PPP2R2B: variants seen among roughly 807,000 people sequenced by gnomAD.
PPP2R2B encodes serine/threonine-protein phosphatase 2A 55 kDa regulatory subunit B beta isoform.
In PPP2R2B, 5 loss-of-function variants were observed where a neutral mutation model predicts 46.0. That is an observed-to-expected ratio of 0.11 (90% confidence interval 0.06 to 0.23). The LOEUF (loss-of-function observed/expected upper bound fraction) is 0.23, where lower values mean the gene tolerates loss of function less well. PPP2R2B is among the 10% of genes least tolerant of loss of function. PPP2R2B has a pLI of 1.00. For missense variants in PPP2R2B, 367 were observed against 575.0 expected (o/e 0.64, Z 3.70); for synonymous variants, 215 against 206.7 (o/e 1.04, Z -0.34).
At position 146,986,993 on chromosome 5, in the gene PPP2R2B, T is replaced by A. The variant is rs539122005; in HGVS notation, c.79+68672A>T. On this transcript the variant is annotated intron_variant, in intron 1 of 8. Transcript: ENST00000336640. ...TCAAATGTCAAAAACAAAGGGAGGA[T>A]CCTGAAAGCAGCAAGAGAAAAGAAG... Among the ~76,000 whole-genome samples, 5 of 152,150 alleles carry A rather than the reference T, an allele frequency of 3.3e-5. No homozygotes were observed. The South Asian group carries it at 1.0e-3, about 32-fold the overall frequency.
At chr5:147,058,393 T>G (rs561517325), upstream of PPP2R2B, among the ~76,000 whole-genome samples, 3 of 152,238 alleles carry the variant, frequency 2.0e-5, no homozygotes, top group East Asian at 5.8e-4. Context: ...AGCGAATACT[T>G]TCTAAGTCAA....
At chr5:146,900,077 C>G (rs1361609263) in intron 1 of PPP2R2B, among the ~76,000 whole-genome samples, 1 of 152,206 alleles carries the variant, frequency 6.6e-6, no homozygotes, top group Non-Finnish European at 1.5e-5. Flanking sequence ...TACCAACTGA[C>G]TGAATGGCTG....
chr5:147,027,457 A>G (rs1272668184), intron 1 of PPP2R2B, among the ~76,000 whole-genome samples: 3 of 152,060 alleles, frequency 2.0e-5, no homozygotes, highest in East Asian at 3.9e-4. Flanking sequence ...ACATGGTGAC[A>G]CCTCGTCTCT....
chr5:146,983,449 G>T (rs1186047089), intron 1 of PPP2R2B, among the ~76,000 whole-genome samples: 1 of 152,044 alleles, frequency 6.6e-6, no homozygotes, highest in East Asian at 1.9e-4. Context: ...CAAAGTGCTG[G>T]GATTATAGGC....
At chr5:146,881,060 G>A (rs1331146986), upstream of PPP2R2B, among the ~76,000 whole-genome samples, 1 of 152,038 alleles carries the variant, frequency 6.6e-6, no homozygotes, top group East Asian at 1.9e-4. Flanking sequence ...GGAGCTGGGG[G>A]GCGGGGTGGG....
At chr5:146,648,353 T>A (rs1775721004) in intron 6 of PPP2R2B, among the ~76,000 whole-genome samples, 1 of 152,146 alleles carries the variant, frequency 6.6e-6, no homozygotes, top group African/African-American at 2.4e-5. Context: ...CATACGAAAA[T>A]AATCTTTTAT....
intron 2 of PPP2R2B, among the ~76,000 whole-genome samples, chr5:146,808,090 C>T (rs1757300228): frequency 6.6e-6 from 1 of 151,972 alleles, no homozygotes; most frequent in Non-Finnish European, 1.5e-5. Flanking sequence ...CGTGAGCCAC[C>T]GCACCCAGCT....
At chr5:146,906,245 ATAT>A (rs1762992015) in intron 1 of PPP2R2B, among the ~76,000 whole-genome samples, 1 of 152,090 alleles carries the variant, frequency 6.6e-6, no homozygotes, top group Non-Finnish European at 1.5e-5. Flanking sequence ...ATATTTGAAT[ATAT>A]TAAGTTAAAG....
chr5:146,808,958 G>GGTGTGTGTGT lies in PPP2R2B; in HGVS notation c.70+69034_70+69043dup, dbSNP rs35023590. Among the ~76,000 whole-genome samples the GGTGTGTGTGT allele has an allele frequency of 2.2e-3, 328 of 146,366 alleles. 2 individuals carry two copies. The highest frequency in any genetic ancestry group is 0.01 in the Middle Eastern group (3 of 290). On this transcript the variant is annotated intron_variant, in intron 2 of 9. Coordinates refer to ENST00000394411, the MANE Select transcript of PPP2R2B (RefSeq NM_181675.4). ...GGCAGAAATGCCAGCTGCTAACACT[G>GGTGTGTGTGT]GTGTGTGTGTGTGTGTGTGTGTGTG...
intron 2 of PPP2R2B, among the ~76,000 whole-genome samples, chr5:146,771,858 A>G (rs1461758220): frequency 6.6e-6 from 1 of 152,208 alleles, no homozygotes; most frequent in Non-Finnish European, 1.5e-5. Context: ...TGGCCCATAA[A>G]AAGTATTCCA....
chr5:146,669,477 T>C (rs904956663), intron 5 of PPP2R2B, among the ~76,000 whole-genome samples: 30 of 151,944 alleles, frequency 2.0e-4, no homozygotes, highest in Non-Finnish European at 4.1e-4. Context: ...TTCTACATTA[T>C]TCTTTATATC....
intron 2 of PPP2R2B, among the ~76,000 whole-genome samples, chr5:146,855,060 T>C (rs1760571992): frequency 6.6e-6 from 1 of 152,084 alleles, no homozygotes; most frequent in African/African-American, 2.4e-5. Context: ...CTCAAAGCTA[T>C]TCAGTTTCAT....
intron 2 of PPP2R2B, among the ~76,000 whole-genome samples, chr5:146,756,344 A>G (rs1385569269): frequency 6.6e-6 from 1 of 152,174 alleles, no homozygotes; most frequent in East Asian, 1.9e-4. Flanking sequence ...GCATCTGCAG[A>G]GATTACTCTG....
chr5:147,047,380 T>C (rs2151900349), intron 1 of PPP2R2B, among the ~76,000 whole-genome samples: 1 of 152,260 alleles, frequency 6.6e-6, no homozygotes, highest in South Asian at 2.1e-4. Context: ...CTGTTCATGG[T>C]AGGTATCAAA....
At chr5:147,022,593 C>G (rs1004813775) in intron 1 of PPP2R2B, among the ~76,000 whole-genome samples, 1 of 151,430 alleles carries the variant, frequency 6.6e-6, no homozygotes, top group Non-Finnish European at 1.5e-5. Context: ...GAAAATAAAG[C>G]CATAGAACTA....
chr5:146,639,854 C>G (rs948622674), intron 6 of PPP2R2B, among the ~76,000 whole-genome samples: 1 of 152,120 alleles, frequency 6.6e-6, no homozygotes, highest in African/African-American at 2.4e-5. Context: ...AAGTAATATG[C>G]ATAAAAATTG....
rs1338426356 is a variant in PPP2R2B at position 146,587,985 on chromosome 5, A to T, written c.*1962T>A. 6.6e-6 allele frequency: 1 copy of T among 152,194 alleles called. No individual in the cohort carries two copies. Among genetic ancestry groups the T allele is most frequent in the African/African-American group, 2.4e-5 (1 of 41,438 alleles). 9.4% of individuals were successfully genotyped at this position (152,194 alleles called of 1,614,324 possible). On this transcript the variant is annotated 3_prime_UTR_variant, in exon 10 of 10. Coordinates refer to ENST00000394411, the MANE Select transcript of PPP2R2B (RefSeq NM_181675.4). Reference sequence around the variant, plus strand: ...AAAGGCCATAAAGGAAGTCGGTGGTAAATGTAGGCCAATAACCCAGTGGCC... The same window carrying T: ...AAAGGCCATAAAGGAAGTCGGTGGTTAATGTAGGCCAATAACCCAGTGGCC...
intron 1 of PPP2R2B, among the ~76,000 whole-genome samples, chr5:147,037,230 A>G (rs1001707722): frequency 3.3e-5 from 5 of 152,164 alleles, no homozygotes; most frequent in Non-Finnish European, 7.3e-5. Flanking sequence ...TGTCTGAAAG[A>G]GTCTATACCA....
chr5:146,608,573 G>A (rs1772528865), intron 7 of PPP2R2B, among the ~76,000 whole-genome samples: 1 of 152,178 alleles, frequency 6.6e-6, no homozygotes, highest in Non-Finnish European at 1.5e-5. Context: ...GAGGCAGGTA[G>A]ATCACGAAGT....
Sources: allele counts gnomAD v4.1 joint callset (sites outside exome capture counted in the v4.1 genomes callset), GRCh38; gene constraint gnomAD v4.1.1; transcripts MANE v1.5; gene names NCBI Gene and HGNC (gene_info 2026-07-23, HGNC 2026-07-21).